The following PNKD variants were observed in gnomAD, a reference collection of about 807,000 sequenced individuals.
The protein encoded by PNKD is PNKD metallo-beta-lactamase domain containing, also known as probable thioesterase PNKD.
PNKD carries 36 observed loss-of-function variants against 45.3 expected under a neutral mutation model. The ratio of observed to expected loss-of-function variants is 0.80; its 90% CI spans 0.61 to 1.05. The LOEUF (loss-of-function observed/expected upper bound fraction) is 1.05, where lower values mean the gene tolerates loss of function less well. PNKD is among the 50% of genes least tolerant of loss of function. The pLI, the probability that PNKD is intolerant of heterozygous loss-of-function variation, is 0.00. For synonymous variants in PNKD, 197 were observed against 210.1 expected, an observed-to-expected ratio of 0.94 and a Z score of 0.54; for missense variants, 511 against 506.6, an observed-to-expected ratio of 1.01 and a Z score of -0.08.
intron 2 of PNKD, among the ~76,000 whole-genome samples, chr2:218,329,033 C>G (rs1694237028): frequency 6.6e-6 from 1 of 152,142 alleles, no homozygotes; most frequent in South Asian, 2.1e-4. Context: ...CATGGCGAAA[C>G]CCCATCTCTA....
intron 2 of PNKD, among the ~76,000 whole-genome samples, chr2:218,281,409 T>A (rs1287318646): frequency 1.3e-5 from 2 of 152,198 alleles, no homozygotes; most frequent in Non-Finnish European, 2.9e-5. Flanking sequence ...AGTGCTGGGA[T>A]TACAGGCGTG....
intron 2 of PNKD, among the ~76,000 whole-genome samples, chr2:218,301,781 T>A (rs1160589736): frequency 6.6e-6 from 1 of 152,084 alleles, no homozygotes; most frequent in African/African-American, 2.4e-5. Context: ...AGCTACCATC[T>A]GTCTCAAACA....
chr2:218,289,202 C>T (rs1019876561), intron 2 of PNKD, among the ~76,000 whole-genome samples: 1 of 151,896 alleles, frequency 6.6e-6, no homozygotes, highest in Non-Finnish European at 1.5e-5. Context: ...ACCATTATTT[C>T]TTTCCCCTGC....
At chr2:218,310,945 A>C (rs1174018001) in intron 2 of PNKD, among the ~76,000 whole-genome samples, 1 of 152,158 alleles carries the variant, frequency 6.6e-6, no homozygotes, top group Admixed American at 6.6e-5. Flanking sequence ...TTGTGTTGTA[A>C]TTGCCTACAG....
intron 2 of PNKD, chr2:218,277,799 G>T: frequency 6.5e-7 from 1 of 1,543,344 alleles, no homozygotes; most frequent in African/African-American, 1.4e-5. Flanking sequence ...CAGCCACAGA[G>T]GAGATCAGAA....
In PNKD at chr2:218,279,110, CAGG is replaced by C. The variant is rs763998058; in HGVS notation, c.236+7564_236+7566del. On this transcript the variant is annotated intron_variant, in intron 2 of 9. Transcript: ENST00000273077. ...AGGTTCCCTGTGGGGCACAGGAGGA[CAGG>C]AGTAGTCACCCTGAGGCTTGTCTGC... is the stretch of plus-strand genomic sequence containing the variant. The C allele has an allele frequency of 8.7e-6, 14 of 1,614,004 alleles. No homozygotes were observed. In the South Asian group the frequency reaches 1.4e-4, roughly 16 times the overall value.
rs1255497496 is a variant in PNKD at position 218,340,567 on chromosome 2, T to C, written c.466-161T>C. Among the ~76,000 whole-genome samples, 2 of 152,090 alleles carry C rather than the reference T, an allele frequency of 1.3e-5. No homozygotes were observed. Among genetic ancestry groups the C allele is most frequent in the East Asian group, 3.9e-4 (2 of 5,190 alleles). On this transcript the variant is annotated intron_variant, in intron 4 of 9. Coordinates refer to ENST00000273077, the MANE Select transcript of PNKD (RefSeq NM_015488.5). This position sits in a 1 kb window ranked among gnomAD's most constrained non-coding sequence, Gnocchi z 4.2. ...CCTCTGCCTCCATGTGCCCCGTGCTTCACATTCCTGGATCTCTCCCCTCCA... is the reference window on the plus strand; with the variant it reads ...CCTCTGCCTCCATGTGCCCCGTGCTCCACATTCCTGGATCTCTCCCCTCCA...
At chr2:218,292,587 G>A (rs1222118198) in intron 2 of PNKD, 5 of 151,952 alleles carry the variant, frequency 3.3e-5, no homozygotes, top group African/African-American at 1.2e-4. Context: ...CGTGGGGCGG[G>A]GCCTCAGGGC....
chr2:218,323,169 C>T (rs553224650), intron 2 of PNKD: 110 of 1,364,784 alleles, frequency 8.1e-5, no homozygotes, highest in Non-Finnish European at 9.9e-5. Context: ...AACGCCCCCA[C>T]GTCCAGAGCC....
intron 2 of PNKD, chr2:218,279,171 A>C (rs1574635025): frequency 6.3e-7 from 1 of 1,592,040 alleles, no homozygotes; most frequent in Non-Finnish European, 8.6e-7. Flanking sequence ...CCCTGGCTTC[A>C]CCTTCTCTAA....
Position 218,275,932 on chromosome 2 carries a change from C to T in PNKD, c.236+4383C>T, listed in dbSNP as rs1463302263. ...GGAATGGCCTGCTATGGCCCCATTC[C>T]CTGCCTCCCAGGCAGTCTAAATTCA... On this transcript the variant is annotated intron_variant, in intron 2 of 9. Coordinates refer to ENST00000273077, the MANE Select transcript of PNKD (RefSeq NM_015488.5). 4 of 1,438,628 alleles carry T rather than the reference C, an allele frequency of 2.8e-6. No individual in the cohort carries two copies. In the African/African-American group the frequency reaches 5.6e-5, roughly 20 times the overall value. The allele number at this position is 1,438,628 out of a possible 1,614,324, so 89.1% of individuals were successfully genotyped here.
chr2:218,282,183 T>G (rs757128573), intron 2 of PNKD: 5 of 1,408,444 alleles, frequency 3.6e-6, no homozygotes, highest in Non-Finnish European at 4.7e-6. Flanking sequence ...TGCTGGGACC[T>G]GAAATGGGAG....
chr2:218,272,617 G>C, intron 2 of PNKD: 1 of 1,614,116 alleles, frequency 6.2e-7, no homozygotes, highest in African/African-American at 1.3e-5. Context: ...CTCACCAAGC[G>C]GGAAGTGGAC....
At chr2:218,279,263 G>A (rs763159412) in intron 2 of PNKD, 3 of 1,566,124 alleles carry the variant, frequency 1.9e-6, no homozygotes, top group East Asian at 4.5e-5. Flanking sequence ...GGCAGTAGGA[G>A]TGGGTGGCAA....
At chr2:218,286,698 G>C (rs1207985562) in intron 2 of PNKD, 1 of 152,318 alleles carries the variant, frequency 6.6e-6, no homozygotes, top group Non-Finnish European at 1.5e-5. Flanking sequence ...GCTCTCCTGG[G>C]GGTATTTGAA....
At chr2:218,272,498 A>G in intron 2 of PNKD, 1 of 1,412,670 alleles carries the variant, frequency 7.1e-7, no homozygotes. Context: ...TGAAGCTAGA[A>G]TGACTCCCCC....
chr2:218,280,345 A>C, intron 2 of PNKD: 1 of 495,786 alleles, frequency 2.0e-6, no homozygotes, highest in Non-Finnish European at 3.7e-6. Flanking sequence ...CCTCACGTGC[A>C]TCTGTGGAGG....
chr2:218,272,737 A>C, intron 2 of PNKD: 2 of 1,614,106 alleles, frequency 1.2e-6, no homozygotes, highest in Non-Finnish European at 1.7e-6. Context: ...CCGTCCCCTG[A>C]TGTTGGGTCT....
At chr2:218,341,662 A>T (rs1442996097) in intron 6 of PNKD, 36 bp downstream of exon 6, 2 of 1,425,320 alleles carry the variant, frequency 1.4e-6, no homozygotes, top group Non-Finnish European at 1.9e-6. Flanking sequence ...TGGCCCTTCC[A>T]TGGGCCCTTT....
Sources: allele counts gnomAD v4.1 joint callset (sites outside exome capture counted in the v4.1 genomes callset), GRCh38; gene constraint gnomAD v4.1.1; non-coding constraint Gnocchi (gnomAD v3.1); transcripts MANE v1.5; gene names NCBI Gene and HGNC (gene_info 2026-07-23, HGNC 2026-07-21).